CTNND2: variants seen among roughly 807,000 people sequenced by gnomAD.
CTNND2 encodes the protein catenin delta 2, also known as catenin delta-2.
A neutral mutation model predicts 144.4 loss-of-function variants in CTNND2; 22 were observed. The ratio of observed to expected loss-of-function variants is 0.15; its 90% confidence interval spans 0.11 to 0.22. The LOEUF is 0.22. CTNND2 is among the 10% of genes least tolerant of loss of function. The probability of loss-of-function intolerance (pLI) is 1.00; values close to 1 mark genes in which losing one functional copy is unlikely to be tolerated. For synonymous variants in CTNND2, 751 were observed against 695.6 expected (o/e 1.08, Z -1.25); for missense variants, 1,353 against 1,618.8 (o/e 0.84, Z 2.82).
chr5:11,116,373 A>G (rs774015984), intron 13 of CTNND2, among the ~76,000 whole-genome samples: 9 of 152,242 alleles, frequency 5.9e-5, no homozygotes, highest in South Asian at 2.1e-4. Flanking sequence ...GCAATGCACA[A>G]GACAGTCACA....
rs61750726 is a variant in CTNND2, at chr5:11,237,883, T to C, written c.1629-1060A>G. Among the ~76,000 whole-genome samples the C allele has an allele frequency of 3.7e-3, 557 of 152,330 alleles. 10 individuals carry two copies. The highest frequency in any genetic ancestry group is 0.034 in the Admixed American group (521 of 15,302). ...CTTTAAAAATAGACAGGGGCCTACA[T>C]GATTCTCTGGGGATAAAAATGTAAT... On this transcript the variant is annotated intron_variant, in intron 9 of 21. Coordinates refer to ENST00000304623, the MANE Select transcript of CTNND2 (RefSeq NM_001332.4).
chr5:11,507,151 C>T (rs978941176), intron 3 of CTNND2, among the ~76,000 whole-genome samples: 9 of 152,160 alleles, frequency 5.9e-5, no homozygotes, highest in African/African-American at 1.9e-4. Context: ...GAGTGCTTGC[C>T]CATAATACTT....
chr5:11,315,745 G>A (rs1751412463), intron 9 of CTNND2, among the ~76,000 whole-genome samples: 1 of 152,054 alleles, frequency 6.6e-6, no homozygotes, highest in Non-Finnish European at 1.5e-5. Context: ...CATAGTCATG[G>A]GTCTGCAGGC....
rs1187553177 is a variant in CTNND2 at position 11,903,424 on chromosome 5, T to TCCCCAC, written c.37+387_37+392dup. The TCCCCAC allele has an allele frequency of 2.7e-5, 28 of 1,020,916 alleles. No individual in the cohort carries two copies. The Admixed American group carries it at 1.2e-3, about 43-fold the overall frequency. The allele number at this position is 1,020,916 out of a possible 1,614,324, so 63.2% of individuals were successfully genotyped here. A position where few individuals can be genotyped will look rare whatever the true frequency, so the allele number is the denominator to read the frequency against. Reference sequence around the variant, plus strand: ...AGGGCAAAAGACTGGAGGGAAGTCCTCCCCACCCCCACCCCGTCTCCTCCC... The same window carrying TCCCCAC: ...AGGGCAAAAGACTGGAGGGAAGTCCTCCCCACCCCCACCCCCACCCCGTCTCCTCCC... On this transcript the variant is annotated intron_variant, in intron 1 of 21. Coordinates refer to ENST00000304623, the MANE Select transcript of CTNND2 (RefSeq NM_001332.4). This position sits in a 1 kb window ranked among gnomAD's most constrained non-coding sequence, Gnocchi z 5.4.
intron 11 of CTNND2, among the ~76,000 whole-genome samples, chr5:11,177,182 C>A (rs542427400): frequency 2.0e-5 from 3 of 152,250 alleles, no homozygotes; most frequent in South Asian, 4.1e-4. Context: ...ATTTCCAATG[C>A]ACTCAGGTTC....
chr5:11,419,069 TAGAG>T (rs59223950), intron 3 of CTNND2, among the ~76,000 whole-genome samples: 11,874 of 148,474 alleles, frequency 0.08, 378 homozygotes, highest in African/African-American at 0.1. Context: ...GATATATATA[TAGAG>T]AGAGAGAGAA....
Position 11,199,553 on chromosome 5 carries a change from C to G in CTNND2, c.1870G>C (p.Ala624Pro). The change falls in exon 11 of 22, where the codon GCC becomes CCC. Residue 624 changes from alanine to proline, a missense_variant. This residue lies in a region of CTNND2 where 117 missense variants were observed against 117.8 expected (regional missense o/e 0.99). Transcript: ENST00000304623. ...GALRNLVYGK[A>P]NDDNKIALKN... ...AGGGCAATTTTGTTATCATCGTTGG[C>G]CTTCCCATACACCAGGTTTCTCAGA... is the stretch of plus-strand genomic sequence containing the variant. 6.2e-7 allele frequency: 1 copy of G among 1,614,176 alleles called. No individual in the cohort carries two copies. Among genetic ancestry groups the G allele is most frequent in the South Asian group, 1.1e-5 (1 of 91,078 alleles).
At chr5:11,047,597 A>T (rs1745398656) in intron 16 of CTNND2, among the ~76,000 whole-genome samples, 1 of 152,226 alleles carries the variant, frequency 6.6e-6, no homozygotes, top group South Asian at 2.1e-4. Context: ...CAATAAAAAC[A>T]TAGAAAGATC....
intron 16 of CTNND2, among the ~76,000 whole-genome samples, chr5:11,079,191 C>T (rs1307193053): frequency 6.6e-6 from 1 of 152,196 alleles, no homozygotes; most frequent in Non-Finnish European, 1.5e-5. Context: ...ACTTGGTCTT[C>T]CAGTTGCCCC....
At chr5:11,295,535 A>C (rs1331812045) in intron 9 of CTNND2, among the ~76,000 whole-genome samples, 1 of 152,214 alleles carries the variant, frequency 6.6e-6, no homozygotes, top group Non-Finnish European at 1.5e-5. Context: ...GTCAATCCTA[A>C]GCTAAAAGAA....
At chr5:11,111,575 G>A (rs1031868895) in intron 13 of CTNND2, among the ~76,000 whole-genome samples, 1 of 152,172 alleles carries the variant, frequency 6.6e-6, no homozygotes, top group Non-Finnish European at 1.5e-5. Flanking sequence ...AATATTTTTA[G>A]TCTACATTTT....
intron 9 of CTNND2, among the ~76,000 whole-genome samples, chr5:11,344,242 A>C (rs1349058334): frequency 6.6e-6 from 1 of 151,738 alleles, no homozygotes; most frequent in African/African-American, 2.4e-5. Flanking sequence ...AATACAAAAA[A>C]TTAGCCGGGC....
intron 3 of CTNND2, among the ~76,000 whole-genome samples, chr5:11,413,179 G>A (rs1761678894): frequency 6.6e-6 from 1 of 152,082 alleles, no homozygotes; most frequent in Non-Finnish European, 1.5e-5. Flanking sequence ...TACAGGAAAT[G>A]ATAATATTTC....
intron 1 of CTNND2, among the ~76,000 whole-genome samples, chr5:11,888,221 T>C (rs1736696737): frequency 6.6e-6 from 1 of 152,210 alleles, no homozygotes; most frequent in Admixed American, 6.5e-5. Flanking sequence ...CATTAGAACA[T>C]TACATCTGTC....
At chr5:11,098,777 A>G in intron 14 of CTNND2, 29 bp from the exon 15 acceptor site, 2 of 1,604,186 alleles carry the variant, frequency 1.2e-6, no homozygotes, top group East Asian at 2.2e-5. Flanking sequence ...GAGAGCAAAC[A>G]TCTTTAACAT....
chr5:11,464,488 G>T (rs748534161), intron 3 of CTNND2, among the ~76,000 whole-genome samples: 1 of 152,138 alleles, frequency 6.6e-6, no homozygotes, highest in Admixed American at 6.6e-5. Context: ...ACTTAGTGGG[G>T]GCAACAGGGC....
intron 5 of CTNND2, among the ~76,000 whole-genome samples, chr5:11,399,200 T>C (rs1247160935): frequency 6.6e-6 from 1 of 152,192 alleles, no homozygotes; most frequent in Non-Finnish European, 1.5e-5. Context: ...TTGTACAGTC[T>C]ACCTGGGCAT....
intron 3 of CTNND2, among the ~76,000 whole-genome samples, chr5:11,547,326 A>G (rs1390813063): frequency 6.6e-6 from 1 of 151,554 alleles, no homozygotes; most frequent in Non-Finnish European, 1.5e-5. Flanking sequence ...TAAATAAAGT[A>G]AAAAGATATA....
chr5:11,376,195 T>A (rs1262511633), intron 7 of CTNND2, among the ~76,000 whole-genome samples: 1 of 152,166 alleles, frequency 6.6e-6, no homozygotes, highest in African/African-American at 2.4e-5. Context: ...AGTTACACAA[T>A]TTATGATATT....
Sources: allele counts gnomAD v4.1 joint callset (sites outside exome capture counted in the v4.1 genomes callset), GRCh38; gene constraint gnomAD v4.1.1; regional missense constraint gnomAD v4.1.1; non-coding constraint Gnocchi (gnomAD v3.1); transcripts MANE v1.5; gene names NCBI Gene and HGNC (gene_info 2026-07-23, HGNC 2026-07-21).